PRKG1: variants seen among roughly 807,000 people sequenced by gnomAD.
PRKG1 encodes the protein cGMP-dependent protein kinase 1.
PRKG1 carries 35 observed loss-of-function variants against 88.1 expected under a neutral mutation model. The observed-to-expected ratio is 0.40, with a 90% CI of 0.30 to 0.53. PRKG1 has a LOEUF of 0.53. Ranked by LOEUF, PRKG1 falls within the 20% of genes least tolerant of loss-of-function variation. The probability of loss-of-function intolerance (pLI) is 0.59; values close to 1 mark genes in which losing one functional copy is unlikely to be tolerated. For synonymous variants in PRKG1, 303 were observed against 292.5 expected, an observed-to-expected ratio of 1.04 and a Z score of -0.37; for missense variants, 540 against 839.8, an observed-to-expected ratio of 0.64 and a Z score of 4.41.
At chr10:51,142,219 G>C (rs146161317) in intron 1 of PRKG1, among the ~76,000 whole-genome samples, 1 of 152,094 alleles carries the variant, frequency 6.6e-6, no homozygotes, top group Non-Finnish European at 1.5e-5. Context: ...AATTCAAGAC[G>C]TGTTTCTGTA....
intron 3 of PRKG1, among the ~76,000 whole-genome samples, chr10:51,500,384 A>G (rs1840987963): frequency 1.3e-5 from 2 of 152,118 alleles, no homozygotes; most frequent in African/African-American, 2.4e-5. Flanking sequence ...TTCTCCATAT[A>G]TGGTCTTCCC....
At chr10:51,698,129 C>G (rs770746990) in intron 3 of PRKG1, 1 of 1,614,010 alleles carries the variant, frequency 6.2e-7, no homozygotes, top group African/African-American at 1.3e-5. Context: ...ACCCTGAATT[C>G]CACCAGTCAT....
chr10:51,136,940 T>G (rs1845698858), intron 1 of PRKG1, among the ~76,000 whole-genome samples: 1 of 152,166 alleles, frequency 6.6e-6, no homozygotes, highest in Non-Finnish European at 1.5e-5. Context: ...ATTTCTCTGT[T>G]GCCCACGCTG....
chr10:51,992,765 A>C (rs1644271353), intron 5 of PRKG1, among the ~76,000 whole-genome samples: 1 of 152,222 alleles, frequency 6.6e-6, no homozygotes, highest in Non-Finnish European at 1.5e-5. Context: ...AAATATATGC[A>C]TATGTTATTT....
chr10:51,088,080 T>G (rs989496667), intron 1 of PRKG1, among the ~76,000 whole-genome samples: 1 of 152,210 alleles, frequency 6.6e-6, no homozygotes. Flanking sequence ...ATTCAAATTT[T>G]TATTAAACAC....
chr10:52,048,539 C>T (rs187295159), intron 5 of PRKG1, among the ~76,000 whole-genome samples: 24 of 152,228 alleles, frequency 1.6e-4, no homozygotes, highest in African/African-American at 4.1e-4. Flanking sequence ...TCAACAACCA[C>T]ATCCAGTGTT....
chr10:51,168,603 T>C (rs1014612858), intron 2 of PRKG1, among the ~76,000 whole-genome samples: 1 of 152,276 alleles, frequency 6.6e-6, no homozygotes, highest in Admixed American at 6.5e-5. Flanking sequence ...TTGAGAACCA[T>C]GGCCTTAAGC....
intron 1 of PRKG1, among the ~76,000 whole-genome samples, chr10:51,126,729 A>G (rs561460372): frequency 4.6e-4 from 70 of 152,242 alleles, no homozygotes; most frequent in African/African-American, 1.7e-3. Context: ...CTACAAGGCT[A>G]CAGTAACCAA....
At chr10:52,024,906 C>G (rs1399356671) in intron 5 of PRKG1, among the ~76,000 whole-genome samples, 2 of 152,226 alleles carry the variant, frequency 1.3e-5, no homozygotes, top group African/African-American at 2.4e-5. Flanking sequence ...AATTGCCACA[C>G]TGTCTTCCAC....
At chr10:51,841,204 C>G (rs1840266800) in intron 4 of PRKG1, among the ~76,000 whole-genome samples, 1 of 152,230 alleles carries the variant, frequency 6.6e-6, no homozygotes, top group South Asian at 2.1e-4. Flanking sequence ...ATCTCTCTCT[C>G]ACTTAAGAGT....
intron 3 of PRKG1, among the ~76,000 whole-genome samples, chr10:51,629,314 G>T (rs1839464748): frequency 6.6e-6 from 1 of 151,946 alleles, no homozygotes; most frequent in African/African-American, 2.4e-5. Context: ...ATGCTTTGAG[G>T]ATGATTCAAG....
At chr10:51,884,107 G>A (rs1004315043) in intron 4 of PRKG1, among the ~76,000 whole-genome samples, 3 of 151,358 alleles carry the variant, frequency 2.0e-5, no homozygotes, top group Non-Finnish European at 2.9e-5. Flanking sequence ...ACAGAAAGCA[G>A]GCTGATGGAA....
intron 1 of PRKG1, among the ~76,000 whole-genome samples, chr10:50,992,602 G>T (rs1394213647): frequency 6.6e-6 from 1 of 152,124 alleles, no homozygotes; most frequent in East Asian, 1.9e-4. Context: ...CTCCTCTCCG[G>T]CACTTTAAGA....
intron 2 of PRKG1, among the ~76,000 whole-genome samples, chr10:51,226,447 A>G (rs760016694): frequency 2.0e-5 from 3 of 152,142 alleles, no homozygotes; most frequent in Admixed American, 6.5e-5. Flanking sequence ...AGTGTTCCCT[A>G]TAATGTCTTT....
intron 3 of PRKG1, chr10:51,698,928 C>A (rs1463985253): frequency 5.6e-6 from 9 of 1,614,230 alleles, no homozygotes; most frequent in Admixed American, 1.7e-5. Flanking sequence ...GAGACAGACA[C>A]AGACTGAGAT....
intron 5 of PRKG1, among the ~76,000 whole-genome samples, chr10:51,962,238 A>G (rs1217199699): frequency 6.6e-6 from 1 of 152,136 alleles, no homozygotes; most frequent in Non-Finnish European, 1.5e-5. Context: ...TAGGGTTCAA[A>G]TTCTGGGAGC....
intron 10 of PRKG1, among the ~76,000 whole-genome samples, chr10:52,260,045 G>A (rs978473128): frequency 2.0e-5 from 3 of 151,632 alleles, no homozygotes; most frequent in Non-Finnish European, 4.4e-5. Context: ...ATTGAAAGAG[G>A]CATTGAATCT....
chr10:51,058,426 G>T (rs1248975573), intron 1 of PRKG1, among the ~76,000 whole-genome samples: 2 of 151,996 alleles, frequency 1.3e-5, no homozygotes, highest in Non-Finnish European at 2.9e-5. Context: ...TGAGCAAAAG[G>T]TATAGAGATT....
intron 1 of PRKG1, among the ~76,000 whole-genome samples, chr10:51,145,610 C>T (rs1401946008): frequency 3.3e-5 from 5 of 152,250 alleles, no homozygotes; most frequent in East Asian, 1.9e-4. Context: ...GTTAGGCTCA[C>T]GCGTAAAATG....
Sources: allele counts gnomAD v4.1 joint callset (sites outside exome capture counted in the v4.1 genomes callset), GRCh38; gene constraint gnomAD v4.1.1; transcripts MANE v1.5; gene names NCBI Gene and HGNC (gene_info 2026-07-23, HGNC 2026-07-21).